The following SLCO2B1 variants were observed in gnomAD, a reference collection of about 807,000 sequenced individuals.
The protein encoded by SLCO2B1 is OATP-RP2.
A neutral mutation model predicts 67.3 loss-of-function variants in SLCO2B1; 41 were observed. The observed-to-expected ratio is 0.61, with a 90% CI of 0.47 to 0.79. The LOEUF is 0.79. Ranked by LOEUF, SLCO2B1 falls within the 30% of genes least tolerant of loss-of-function variation. The pLI, the probability that SLCO2B1 is intolerant of heterozygous loss-of-function variation, is 0.00. For synonymous variants in SLCO2B1, 379 were observed against 381.4 expected (o/e 0.99, Z 0.07); for missense variants, 837 against 920.1 (o/e 0.91, Z 1.17).
intron 10 of SLCO2B1, among the ~76,000 whole-genome samples, chr11:75,197,869 G>A (rs975089218): frequency 6.6e-6 from 1 of 152,154 alleles, no homozygotes; most frequent in African/African-American, 2.4e-5. Flanking sequence ...AAGACCAGCC[G>A]GTTCCTCCTC....
intron 3 of SLCO2B1, 120 bp from the exon 4 acceptor site, chr11:75,165,667 A>T (rs2140309635): frequency 8.5e-7 from 1 of 1,174,906 alleles, no homozygotes; most frequent in Non-Finnish European, 1.2e-6. Flanking sequence ...GACCCAGATG[A>T]TTTTTATTCA....
At chr11:75,162,621 A>C in intron 1 of SLCO2B1, 34 bp from the exon 2 acceptor site, 1 of 1,598,120 alleles carries the variant, frequency 6.3e-7, no homozygotes, top group Non-Finnish European at 8.5e-7. Flanking sequence ...CGGGGATTCT[A>C]TCTATTCTCT....
chr11:75,201,409 C>T (rs1945180918), intron 11 of SLCO2B1: 1 of 152,182 alleles, frequency 6.6e-6, no homozygotes, highest in African/African-American at 2.4e-5. Flanking sequence ...TTCCCACACA[C>T]CAGGCACTCA....
At chr11:75,161,701 G>A (rs1174485115) in intron 1 of SLCO2B1, among the ~76,000 whole-genome samples, 3 of 152,210 alleles carry the variant, frequency 2.0e-5, no homozygotes, top group Admixed American at 6.5e-5. Context: ...GCAGGAAGTG[G>A]AGCCGCAGAA....
chr11:75,179,198 A>C lies in SLCO2B1; in HGVS notation c.972+6629A>C, dbSNP rs114753758. On this transcript the variant is annotated intron_variant, in intron 7 of 13. Coordinates refer to ENST00000289575, the MANE Select transcript of SLCO2B1 (RefSeq NM_007256.5). ...AATTTTTATGGGTGCATAGGTGGGT[A>C]TGTTTATTGGATACATGAGATTTTT... 3.5e-3 allele frequency among the ~76,000 whole-genome samples: 360 copies of C among 103,128 alleles called. 1 individual carries two copies. The highest frequency in any genetic ancestry group is 0.013 in the African/African-American group (353 of 27,348). 67.7% of individuals were successfully genotyped at this position (103,128 alleles called of 152,430 possible). A position where few individuals can be genotyped will look rare whatever the true frequency, so the allele number is the denominator to read the frequency against.
At chr11:75,171,137 C>T (rs548789366) in intron 6 of SLCO2B1, among the ~76,000 whole-genome samples, 2 of 152,288 alleles carry the variant, frequency 1.3e-5, no homozygotes, top group East Asian at 3.9e-4. Context: ...CAAACCCATC[C>T]CCGGCTTTAC....
Position 75,188,254 on chromosome 11 carries a change from C to A in SLCO2B1, c.1075+16C>A, listed in dbSNP as rs376625594. ...TTCATTAAAGGTAAGTCAGCTCAGA[C>A]CAGGTTATGGGGAGCCAGGGCCAGA... On this transcript the variant is annotated intron_variant, in intron 8 of 13. Transcript: ENST00000289575. 2.5e-6 allele frequency: 4 copies of A among 1,578,994 alleles called. No individual in the cohort carries two copies. In the African/African-American group the frequency reaches 4.0e-5, roughly 16 times the overall value.
At position 75,155,812 on chromosome 11, in the gene SLCO2B1, C is replaced by T. The variant is rs565940517; in HGVS notation, c.16+4415C>T. Among the ~76,000 whole-genome samples the T allele has an allele frequency of 7.2e-5, 11 of 152,272 alleles. No individual in the cohort carries two copies. In the East Asian group the frequency reaches 1.7e-3, roughly 24 times the overall value. On this transcript the variant is annotated intron_variant, in intron 1 of 13. Transcript: ENST00000289575. ...TTTGCTGGGGAAGAAGAACACTCCA[C>T]GCTGAGGGGGTACAGCTGGTACAAA...
At chr11:75,166,510 G>T (rs1180325261) in intron 4 of SLCO2B1, among the ~76,000 whole-genome samples, 1 of 152,122 alleles carries the variant, frequency 6.6e-6, no homozygotes, top group Non-Finnish European at 1.5e-5. Flanking sequence ...CTTACAGAAT[G>T]ACCCTAACAA....
chr11:75,199,129 G>A (rs888318552), intron 10 of SLCO2B1, among the ~76,000 whole-genome samples: 3 of 152,136 alleles, frequency 2.0e-5, no homozygotes, highest in African/African-American at 7.2e-5. Flanking sequence ...CCAGCCTGTA[G>A]TTGGAGGTTC....
chr11:75,174,092 G>A (rs141774961), intron 7 of SLCO2B1, among the ~76,000 whole-genome samples: 1 of 152,080 alleles, frequency 6.6e-6, no homozygotes, highest in Non-Finnish European at 1.5e-5. Flanking sequence ...GTGAGCCACC[G>A]TGCCAGGCCT....
At chr11:75,157,842 G>A (rs57962126) in intron 1 of SLCO2B1, among the ~76,000 whole-genome samples, 7,287 of 152,130 alleles carry the variant, frequency 0.048, 233 homozygotes, top group African/African-American at 0.088. Flanking sequence ...CATAGAGATG[G>A]GGTATCACCA....
Position 75,165,923 on chromosome 11 carries a change from C to T in SLCO2B1, c.422C>T (p.Pro141Leu). 6.2e-7 allele frequency: 1 copy of T among 1,614,140 alleles called. No individual in the cohort carries two copies. The highest frequency in any genetic ancestry group is 8.5e-7 in the Non-Finnish European group (1 of 1,179,990). ...LMTLPHFISEPYRYDNTSPED... is the reference protein window; with the variant it reads ...LMTLPHFISELYRYDNTSPED... ...ACTCTCCCGCACTTCATCTCGGAGC[C>T]ATACCGCTACGACAACACCAGCCCT... The change falls in exon 4 of 14, where the codon CCA (proline) becomes CTA (leucine). Residue 141 changes from proline to leucine, a missense_variant. Physicochemically the swap from Pro to Leu is moderately conservative, Grantham distance 98 (BLOSUM62 -3). Coordinates refer to ENST00000289575, the MANE Select transcript of SLCO2B1 (RefSeq NM_007256.5).
intron 11 of SLCO2B1, 128 bp from the exon 12 acceptor site, chr11:75,202,773 A>G: frequency 3.7e-6 from 3 of 811,630 alleles, no homozygotes; most frequent in Non-Finnish European, 6.4e-6. Flanking sequence ...CTAGATCATC[A>G]GATGGGAGAG....
intron 7 of SLCO2B1, among the ~76,000 whole-genome samples, chr11:75,175,873 G>C (rs773145295): frequency 1.3e-5 from 2 of 152,214 alleles, no homozygotes; most frequent in South Asian, 2.1e-4. Context: ...TCTGCCTGGG[G>C]GGCAGGGGGC....
At chr11:75,155,527 G>T (rs987889802) in intron 1 of SLCO2B1, among the ~76,000 whole-genome samples, 1 of 152,058 alleles carries the variant, frequency 6.6e-6, no homozygotes. Flanking sequence ...GCACAATCTC[G>T]GCTCACTGCA....
At chr11:75,165,175 T>C (rs1949872333) in intron 3 of SLCO2B1, among the ~76,000 whole-genome samples, 1 of 152,134 alleles carries the variant, frequency 6.6e-6, no homozygotes, top group Non-Finnish European at 1.5e-5. Flanking sequence ...CTCATGCCTG[T>C]AATCCCAGCA....
At chr11:75,160,421 G>A (rs115244973) in intron 1 of SLCO2B1, among the ~76,000 whole-genome samples, 3,863 of 152,266 alleles carry the variant, frequency 0.025, 172 homozygotes, top group African/African-American at 0.088. Flanking sequence ...CCAAAGGGAC[G>A]GAGCTGTGGA....
Position 75,193,646 on chromosome 11 carries a change from G to A in SLCO2B1, c.1433+71G>A. ...ACAGGGAGGACAGGGGCCCTGGGCA[G>A]AGGCCAGGATGGCAGGGCAACCCCT... is the stretch of plus-strand genomic sequence containing the variant. On this transcript the variant is annotated intron_variant, in intron 9 of 13. Transcript: ENST00000289575. The surrounding 1 kb of genome is among the most constrained non-coding windows in gnomAD (Gnocchi z 4.2). 7.2e-7 allele frequency: 1 copy of A among 1,395,834 alleles called. No homozygotes were observed. The highest frequency in any genetic ancestry group is 9.6e-7 in the Non-Finnish European group (1 of 1,039,636). 86.5% of individuals were successfully genotyped at this position (1,395,834 alleles called of 1,614,324 possible).
Sources: allele counts gnomAD v4.1 joint callset (sites outside exome capture counted in the v4.1 genomes callset), GRCh38; gene constraint gnomAD v4.1.1; non-coding constraint Gnocchi (gnomAD v3.1); transcripts MANE v1.5; gene names NCBI Gene and HGNC (gene_info 2026-07-23, HGNC 2026-07-21).